PELI2: variants seen among roughly 807,000 people sequenced by gnomAD.
PELI2 encodes pellino E3 ubiquitin protein ligase family member 2, also known as E3 ubiquitin-protein ligase pellino homolog 2.
A neutral mutation model predicts 42.3 loss-of-function variants in PELI2; 23 were observed. The ratio of observed to expected loss-of-function variants is 0.54; its 90% CI spans 0.39 to 0.77. The LOEUF (loss-of-function observed/expected upper bound fraction) is 0.77, where lower values mean the gene tolerates loss of function less well. Among genes scored for constraint, PELI2 ranks in the 30% least tolerant of loss-of-function variants. PELI2 has a pLI of 0.00. For missense variants in PELI2, 463 were observed against 553.2 expected, an observed-to-expected ratio of 0.84 and a Z score of 1.64; for synonymous variants, 245 against 212.2, an observed-to-expected ratio of 1.15 and a Z score of -1.34.
At chr14:56,214,502 G>C (rs1197588803) in intron 2 of PELI2, among the ~76,000 whole-genome samples, 1 of 152,096 alleles carries the variant, frequency 6.6e-6, no homozygotes, top group African/African-American at 2.4e-5. Context: ...TCCTCTCCCA[G>C]CCCCTCTCCT....
intron 1 of PELI2, among the ~76,000 whole-genome samples, chr14:56,165,133 G>A (rs1382632933): frequency 6.6e-6 from 1 of 151,726 alleles, no homozygotes; most frequent in African/African-American, 2.4e-5. Context: ...TTCATTTGAA[G>A]TTTTTTCTCT....
rs562272625 is a variant in PELI2, at chr14:56,119,726, A to T, written c.77+989A>T. On this transcript the variant is annotated intron_variant, in intron 1 of 5. Transcript: ENST00000267460. ...GAGGGGGAAGGGGGAAGTGCAGGAA[A>T]CTGGGGGGAAGGAACAACTTGGGTT... 5 of 959,474 alleles carry T rather than the reference A, an allele frequency of 5.2e-6. No homozygotes were observed. In the South Asian group the frequency reaches 2.4e-4, roughly 46 times the overall value. The allele number at this position is 959,474 out of a possible 1,614,324, so 59.4% of individuals were successfully genotyped here.
intron 1 of PELI2, among the ~76,000 whole-genome samples, chr14:56,151,286 A>C (rs768138538): frequency 6.6e-6 from 1 of 152,122 alleles, no homozygotes; most frequent in Non-Finnish European, 1.5e-5. Flanking sequence ...ACTTCTAGCC[A>C]GTGCATTGTT....
At chr14:56,294,856 A>G (rs1206966656) in intron 5 of PELI2, among the ~76,000 whole-genome samples, 1 of 152,138 alleles carries the variant, frequency 6.6e-6, no homozygotes, top group African/African-American at 2.4e-5. Context: ...TCTCACAACA[A>G]TCCTATAAGA....
At chr14:56,292,492 T>A (rs2139902192) in intron 5 of PELI2, among the ~76,000 whole-genome samples, 1 of 152,342 alleles carries the variant, frequency 6.6e-6, no homozygotes, top group East Asian at 1.9e-4. Context: ...GAGGTTAGAT[T>A]TTGGAGACAG....
At chr14:56,215,151 A>G (rs1309297955) in intron 2 of PELI2, among the ~76,000 whole-genome samples, 1 of 152,230 alleles carries the variant, frequency 6.6e-6, no homozygotes, top group Non-Finnish European at 1.5e-5. Context: ...TAGAGATAAC[A>G]TCAGAATAGA....
chr14:56,227,617 T>C (rs1311882902), intron 2 of PELI2, among the ~76,000 whole-genome samples: 1 of 124,834 alleles, frequency 8.0e-6, no homozygotes, highest in Non-Finnish European at 1.9e-5. Context: ...TAGACTTACA[T>C]GTAGTCTCTA....
At chr14:56,137,553 C>T (rs565765150) in intron 1 of PELI2, among the ~76,000 whole-genome samples, 2 of 152,236 alleles carry the variant, frequency 1.3e-5, no homozygotes, top group East Asian at 1.9e-4. Flanking sequence ...AGATCAGGCT[C>T]ATGCATATAG....
At chr14:56,203,122 G>A (rs886519468) in intron 2 of PELI2, among the ~76,000 whole-genome samples, 19 of 152,116 alleles carry the variant, frequency 1.2e-4, no homozygotes, top group Non-Finnish European at 1.0e-4. Flanking sequence ...GAAAATTGCC[G>A]AAAGATCTAG....
intron 2 of PELI2, among the ~76,000 whole-genome samples, chr14:56,195,992 T>C (rs1490323717): frequency 6.6e-6 from 1 of 152,222 alleles, no homozygotes; most frequent in African/African-American, 2.4e-5. Context: ...AGTTTATCAT[T>C]ACTGGGCGTG....
At chr14:56,155,961 A>G (rs984478108) in intron 1 of PELI2, among the ~76,000 whole-genome samples, 1 of 152,066 alleles carries the variant, frequency 6.6e-6, no homozygotes, top group African/African-American at 2.4e-5. Flanking sequence ...AGTACCCCTT[A>G]TTTCCGTTTC....
rs571701735 is a variant in PELI2 at position 56,299,236 on chromosome 14, G to A, written c.*2070G>A. On this transcript the variant is annotated 3_prime_UTR_variant, in exon 6 of 6. Coordinates refer to ENST00000267460, the MANE Select transcript of PELI2 (RefSeq NM_021255.3). Reference sequence around the variant, plus strand: ...AAAAGATATTTTTCCAGAGAGTTAGGTATATCATAATTTTCCATTTCAAGT... The same window carrying A: ...AAAAGATATTTTTCCAGAGAGTTAGATATATCATAATTTTCCATTTCAAGT... 18 of 152,254 alleles carry A rather than the reference G, an allele frequency of 1.2e-4. No individual in the cohort carries two copies. Among genetic ancestry groups the A allele is most frequent in the African/African-American group, 4.3e-4 (18 of 41,550 alleles). 9.4% of individuals were successfully genotyped at this position (152,254 alleles called of 1,614,324 possible). A position where few individuals can be genotyped will look rare whatever the true frequency, so the allele number is the denominator to read the frequency against.
intron 2 of PELI2, among the ~76,000 whole-genome samples, chr14:56,264,434 G>A (rs143312698): frequency 6.6e-6 from 1 of 152,264 alleles, no homozygotes; most frequent in African/African-American, 2.4e-5. Flanking sequence ...GAAAAAGGAG[G>A]AGGAGATTTC....
At chr14:56,200,858 C>T (rs1246786548) in intron 2 of PELI2, among the ~76,000 whole-genome samples, 1 of 152,110 alleles carries the variant, frequency 6.6e-6, no homozygotes, top group Non-Finnish European at 1.5e-5. Context: ...GATTGTTTGC[C>T]TCATAGATTT....
Position 56,119,951 on chromosome 14 carries a change from G to A in PELI2, c.77+1214G>A, listed in dbSNP as rs142093303. ...TGTTTTGATAAGTGAGTGCCTTGAA[G>A]TAAGTGCTGACTTAAAAATAATTTA... is the stretch of plus-strand genomic sequence containing the variant. On this transcript the variant is annotated intron_variant, in intron 1 of 5. Transcript: ENST00000267460. 7.9e-4 allele frequency: 360 copies of A among 453,150 alleles called. 2 individuals are homozygous for A. The highest frequency in any genetic ancestry group is 7.0e-3 in the African/African-American group (331 of 47,200). 28.1% of individuals were successfully genotyped at this position (453,150 alleles called of 1,614,324 possible).
intron 1 of PELI2, among the ~76,000 whole-genome samples, chr14:56,145,264 A>G (rs564044182): frequency 4.6e-5 from 7 of 152,262 alleles, no homozygotes; most frequent in African/African-American, 1.2e-4. Context: ...AACTCTATCA[A>G]TCATGAAACA....
At chr14:56,118,939 C>G (rs984999610) in intron 1 of PELI2, among the ~76,000 whole-genome samples, 5 of 150,236 alleles carry the variant, frequency 3.3e-5, no homozygotes, top group Non-Finnish European at 7.4e-5. Context: ...GCGGCGGACG[C>G]CGGGCTGCGC....
At chr14:56,184,845 A>G (rs1246102466) in intron 2 of PELI2, among the ~76,000 whole-genome samples, 4 of 152,064 alleles carry the variant, frequency 2.6e-5, no homozygotes. Context: ...ATCACAGCTC[A>G]TATATTGCTT....
intron 1 of PELI2, among the ~76,000 whole-genome samples, chr14:56,139,061 G>A (rs767177967): frequency 2.6e-5 from 4 of 152,216 alleles, no homozygotes; most frequent in Non-Finnish European, 5.9e-5. Flanking sequence ...GCTGGGTTGA[G>A]GGGGACTCAC....
Sources: allele counts gnomAD v4.1 joint callset (sites outside exome capture counted in the v4.1 genomes callset), GRCh38; gene constraint gnomAD v4.1.1; transcripts MANE v1.5; gene names NCBI Gene and HGNC (gene_info 2026-07-23, HGNC 2026-07-21).